PCGF5: variants seen among roughly 807,000 people sequenced by gnomAD.
PCGF5 encodes the protein polycomb group RING finger protein 5.
In PCGF5, 9 loss-of-function variants were observed where a neutral mutation model predicts 44.3. That is an observed-to-expected ratio of 0.20 (90% CI 0.12 to 0.35). PCGF5 has a LOEUF of 0.35. Among genes scored for constraint, PCGF5 ranks in the 10% least tolerant of loss-of-function variants. PCGF5 has a pLI of 1.00. For synonymous variants in PCGF5, 95 were observed against 102.5 expected (o/e 0.93, Z 0.44); for missense variants, 146 against 305.3 (o/e 0.48, Z 3.89).
upstream of PCGF5, among the ~76,000 whole-genome samples, chr10:91,158,197 T>C (rs912075767): frequency 6.6e-6 from 1 of 152,130 alleles, no homozygotes; most frequent in Admixed American, 6.5e-5. Context: ...TAAGCTTCAG[T>C]TTGTGTGGTG....
chr10:91,217,855 T>C (rs12245179), upstream of PCGF5, among the ~76,000 whole-genome samples: 7,686 of 152,270 alleles, frequency 0.05, 628 homozygotes, highest in African/African-American at 0.17. Flanking sequence ...GGCGCGATCT[T>C]GGCTCACTGC....
intron 1 of PCGF5, among the ~76,000 whole-genome samples, chr10:91,186,542 G>A (rs986330485): frequency 2.7e-5 from 4 of 147,802 alleles, no homozygotes; most frequent in Non-Finnish European, 6.0e-5. Flanking sequence ...GTGTGTGTGT[G>A]TATATATATA....
intron 3 of PCGF5, among the ~76,000 whole-genome samples, chr10:91,245,196 G>A (rs1845428180): frequency 6.6e-6 from 1 of 152,260 alleles, no homozygotes; most frequent in South Asian, 2.1e-4. Context: ...GGAGTGTGTG[G>A]TGCTCTAGAA....
chr10:91,251,077 G>A (rs185048084), intron 5 of PCGF5, among the ~76,000 whole-genome samples: 1 of 149,204 alleles, frequency 6.7e-6, no homozygotes, highest in East Asian at 2.0e-4. Context: ...GAAATCTTAA[G>A]CTATGTTAAT....
At position 91,166,934 on chromosome 10, in the gene PCGF5, A is replaced by C. The variant is rs188810328; in HGVS notation, c.-184+3853A>C. On this transcript the variant is annotated intron_variant, in intron 1 of 9. Transcript: ENST00000614189. ...ATTTGTGTGACCATGGGAGCAGCTT[A>C]ATCTCTCAGAAGTTTCAGTTTTTTC... Among the ~76,000 whole-genome samples the C allele has an allele frequency of 3.6e-3, 551 of 152,320 alleles. 2 individuals carry two copies. The highest frequency in any genetic ancestry group is 6.5e-3 in the Non-Finnish European group (439 of 68,028).
chr10:91,198,537 G>A (rs140116086), intron 1 of PCGF5, among the ~76,000 whole-genome samples: 3 of 152,250 alleles, frequency 2.0e-5, no homozygotes, highest in African/African-American at 7.2e-5. Flanking sequence ...CACTATTTCA[G>A]CATGACCATT....
chr10:91,181,124 C>T (rs185118189), intron 1 of PCGF5, among the ~76,000 whole-genome samples: 1 of 152,134 alleles, frequency 6.6e-6, no homozygotes, highest in Admixed American at 6.5e-5. Context: ...CATGGGAGTT[C>T]ATTTGTGATT....
intron 7 of PCGF5, among the ~76,000 whole-genome samples, chr10:91,262,091 C>G (rs1176278315): frequency 1.3e-5 from 2 of 152,134 alleles, no homozygotes; most frequent in Non-Finnish European, 2.9e-5. Flanking sequence ...TCATTAATTT[C>G]CCCTTCTTCC....
chr10:91,175,062 G>T (rs1249355306), intron 1 of PCGF5, among the ~76,000 whole-genome samples: 2 of 152,164 alleles, frequency 1.3e-5, no homozygotes, highest in Non-Finnish European at 2.9e-5. Context: ...AAGAATTCCA[G>T]AAAGTTTCTG....
intron 5 of PCGF5, 77 bp from the exon 6 acceptor site, chr10:91,251,215 G>A: frequency 9.0e-7 from 1 of 1,113,130 alleles, no homozygotes; most frequent in South Asian, 1.8e-5. Context: ...TTTTTGTTTT[G>A]ATTATCAATG....
rs908362745 is a variant in PCGF5 at position 91,251,498 on chromosome 10, TTTG to T, written c.474+62_474+64del. On this transcript the variant is annotated intron_variant, in intron 6 of 9. Transcript: ENST00000336126. ...TCAGTTTATAGTAAACCCTTGATAA[TTTG>T]TTGACAAATTTTCTAATGCTTCAAA... 3.3e-4 allele frequency: 491 copies of T among 1,507,222 alleles called. 1 individual carries two copies. The Middle Eastern group carries it at 7.4e-3, about 23-fold the overall frequency. The allele number at this position is 1,507,222 out of a possible 1,614,324, so 93.4% of individuals were successfully genotyped here.
chr10:91,207,238 ATTC>A (rs1186373763), intron 1 of PCGF5, among the ~76,000 whole-genome samples: 2 of 152,210 alleles, frequency 1.3e-5, no homozygotes, highest in South Asian at 2.1e-4. Flanking sequence ...TGGTGGTAGT[ATTC>A]TTCTACTAGA....
chr10:91,207,233 G>T (rs563474517), intron 1 of PCGF5, among the ~76,000 whole-genome samples: 1 of 152,162 alleles, frequency 6.6e-6, no homozygotes, highest in Admixed American at 6.5e-5. Flanking sequence ...GCAGCTGGTG[G>T]TAGTATTCTT....
Position 91,271,657 on chromosome 10 carries a change from C to T in PCGF5, c.683C>T (p.Ser228Leu). The T allele has an allele frequency of 6.2e-7, 1 of 1,613,872 alleles. No individual in the cohort carries two copies. Among genetic ancestry groups the T allele is most frequent in the Non-Finnish European group, 8.5e-7 (1 of 1,179,894 alleles). The change falls in exon 9 of 10, where the codon TCA becomes TTA. Residue 228 changes from serine to leucine, a missense_variant. Ser to Leu is a moderately radical substitution (Grantham distance 145). Transcript: ENST00000336126. Reference sequence around the variant, plus strand: ...CCGCAGTTTCGGTGTCTGAACTGCTCAGCTTCGCAAGTCTGCTCTCAGGAT... The same window carrying T: ...CCGCAGTTTCGGTGTCTGAACTGCTTAGCTTCGCAAGTCTGCTCTCAGGAT... The part of the protein sequence containing the change: ...RGENFRCLNC[S>L]ASQVCSQDGP...
chr10:91,222,262 G>T (rs965089460), intron 1 of PCGF5, among the ~76,000 whole-genome samples: 1 of 152,168 alleles, frequency 6.6e-6, no homozygotes, highest in Non-Finnish European at 1.5e-5. Context: ...GAATAGCAGA[G>T]GATATCAACT....
chr10:91,226,623 G>C (rs1443015721), intron 2 of PCGF5, among the ~76,000 whole-genome samples: 1 of 152,158 alleles, frequency 6.6e-6, no homozygotes, highest in African/African-American at 2.4e-5. Flanking sequence ...ATAGGTTGGT[G>C]CTTCCCCATT....
intron 1 of PCGF5, among the ~76,000 whole-genome samples, chr10:91,172,931 T>C (rs1564624364): frequency 6.6e-6 from 1 of 152,228 alleles, no homozygotes; most frequent in Non-Finnish European, 1.5e-5. Context: ...GAAAGTTCTT[T>C]GTCCTCATAA....
chr10:91,181,307 A>G (rs1332558447), intron 1 of PCGF5, among the ~76,000 whole-genome samples: 2 of 152,178 alleles, frequency 1.3e-5, no homozygotes, highest in African/African-American at 2.4e-5. Context: ...AAAAACAGGG[A>G]TAGTTTGACT....
intron 8 of PCGF5, among the ~76,000 whole-genome samples, chr10:91,266,641 T>C (rs1302872740): frequency 6.6e-6 from 1 of 152,156 alleles, no homozygotes; most frequent in Non-Finnish European, 1.5e-5. Flanking sequence ...GACAAACCTG[T>C]TTTTTAGTTG....
Sources: allele counts gnomAD v4.1 joint callset (sites outside exome capture counted in the v4.1 genomes callset), GRCh38; gene constraint gnomAD v4.1.1; transcripts MANE v1.5; gene names NCBI Gene and HGNC (gene_info 2026-07-23, HGNC 2026-07-21).